Variants in NCAM2 observed in about 807,000 individuals in gnomAD.
The protein encoded by NCAM2 is N-CAM-2.
In NCAM2, 30 loss-of-function variants were observed where a neutral mutation model predicts 98.1. The observed-to-expected ratio is 0.31, with a 90% CI of 0.23 to 0.41. NCAM2 has a LOEUF of 0.41. Among genes scored for constraint, NCAM2 ranks in the 10% least tolerant of loss-of-function variants. The pLI, the probability that NCAM2 is intolerant of heterozygous loss-of-function variation, is 1.00. For synonymous variants in NCAM2, 368 were observed against 342.4 expected, an observed-to-expected ratio of 1.07 and a Z score of -0.83; for missense variants, 867 against 1,005.8, an observed-to-expected ratio of 0.86 and a Z score of 1.87.
chr21:21,277,220 T>C (rs1313529848), intron 1 of NCAM2, among the ~76,000 whole-genome samples: 1 of 152,138 alleles, frequency 6.6e-6, no homozygotes, highest in East Asian at 1.9e-4. Flanking sequence ...AAGCTCTTCG[T>C]AAGTGTCAAT....
intron 1 of NCAM2, among the ~76,000 whole-genome samples, chr21:21,221,359 AC>A (rs374147818): frequency 1 from 152,280 of 152,282 alleles, 76,139 homozygotes; most frequent in Non-Finnish European, 1. Context: ...AGTGATTCTC[AC>A]CCAAATTTTC....
intron 1 of NCAM2, among the ~76,000 whole-genome samples, chr21:21,268,198 G>C (rs915746316): frequency 6.6e-6 from 1 of 152,062 alleles, no homozygotes; most frequent in Non-Finnish European, 1.5e-5. Context: ...AGGATTTTTC[G>C]GAGTTCAGCT....
At chr21:21,519,435 TG>T (rs1288610785) in intron 16 of NCAM2, among the ~76,000 whole-genome samples, 3 of 152,070 alleles carry the variant, frequency 2.0e-5, no homozygotes, top group African/African-American at 7.2e-5. Context: ...GTTGGGGTAG[TG>T]TCAATCACCT....
chr21:21,249,246 A>G (rs2071393514), intron 1 of NCAM2, among the ~76,000 whole-genome samples: 1 of 152,214 alleles, frequency 6.6e-6, no homozygotes, highest in South Asian at 2.1e-4. Flanking sequence ...GAAAATGATT[A>G]GAGTGATTAT....
At chr21:21,202,680 T>TG (rs2069280556) in intron 1 of NCAM2, among the ~76,000 whole-genome samples, 1 of 152,076 alleles carries the variant, frequency 6.6e-6, no homozygotes, top group African/African-American at 2.4e-5. Flanking sequence ...CCTCCCAAAG[T>TG]GCTGGGATTA....
intron 10 of NCAM2, among the ~76,000 whole-genome samples, chr21:21,413,957 C>A (rs2076936670): frequency 6.6e-6 from 1 of 152,168 alleles, no homozygotes. Context: ...TATAGCAGAA[C>A]ATCTTTCAAA....
chr21:21,443,020 A>C (rs1053556535), intron 12 of NCAM2, among the ~76,000 whole-genome samples: 2 of 152,078 alleles, frequency 1.3e-5, no homozygotes, highest in Non-Finnish European at 2.9e-5. Context: ...TAGTGCTATA[A>C]ATTTTCCTCT....
chr21:21,142,924 C>A (rs1180772661), intron 1 of NCAM2, among the ~76,000 whole-genome samples: 3 of 152,150 alleles, frequency 2.0e-5, no homozygotes, highest in African/African-American at 7.2e-5. Context: ...TTGTAGACAG[C>A]AATTTTGGTT....
intron 1 of NCAM2, among the ~76,000 whole-genome samples, chr21:21,010,794 G>A (rs1332137173): frequency 6.6e-6 from 1 of 152,064 alleles, no homozygotes; most frequent in African/African-American, 2.4e-5. Flanking sequence ...ATCTTTATAA[G>A]TGTAAAGTGT....
intron 8 of NCAM2, among the ~76,000 whole-genome samples, chr21:21,356,345 A>G (rs1332955271): frequency 6.6e-6 from 1 of 152,114 alleles, no homozygotes; most frequent in Non-Finnish European, 1.5e-5. Flanking sequence ...CGCGGTTCCT[A>G]CTGTGGATTT....
chr21:21,522,171 T>C (rs1239985076), intron 16 of NCAM2, among the ~76,000 whole-genome samples: 1 of 148,052 alleles, frequency 6.8e-6, no homozygotes, highest in East Asian at 1.9e-4. Context: ...TATATGAATA[T>C]GAATATATAT....
intron 10 of NCAM2, among the ~76,000 whole-genome samples, chr21:21,412,667 A>T (rs923708952): frequency 2.0e-5 from 3 of 152,194 alleles, no homozygotes; most frequent in African/African-American, 7.2e-5. Flanking sequence ...TACTTGACAC[A>T]CAGCCAGGTG....
chr21:21,266,685 C>T (rs1363023139), intron 1 of NCAM2, among the ~76,000 whole-genome samples: 4 of 151,142 alleles, frequency 2.6e-5, no homozygotes, highest in Admixed American at 2.6e-4. Flanking sequence ...AACTCATGGA[C>T]ACAGCAAGGG....
intron 8 of NCAM2, among the ~76,000 whole-genome samples, chr21:21,340,696 C>A (rs983058530): frequency 4.6e-5 from 7 of 151,932 alleles, no homozygotes; most frequent in African/African-American, 1.7e-4. Context: ...CAGTACACTT[C>A]TTTTCCCCTA....
intron 15 of NCAM2, among the ~76,000 whole-genome samples, chr21:21,488,345 A>C (rs1441127706): frequency 6.6e-6 from 1 of 152,012 alleles, no homozygotes; most frequent in Non-Finnish European, 1.5e-5. Flanking sequence ...ATTAAAGCTA[A>C]AACAAGAAAA....
chr21:21,194,784 C>G (rs1398308915), intron 1 of NCAM2, among the ~76,000 whole-genome samples: 2 of 152,044 alleles, frequency 1.3e-5, no homozygotes, highest in African/African-American at 4.8e-5. Flanking sequence ...TATATGTATA[C>G]ATTGTCTAAT....
intron 1 of NCAM2, among the ~76,000 whole-genome samples, chr21:21,158,432 G>A (rs2067678536): frequency 1.3e-5 from 2 of 151,994 alleles, no homozygotes; most frequent in Admixed American, 1.3e-4. Context: ...CCAGCATGGT[G>A]AAATCCCGTC....
At chr21:21,046,201 G>A (rs1029982954) in intron 1 of NCAM2, among the ~76,000 whole-genome samples, 3 of 152,148 alleles carry the variant, frequency 2.0e-5, no homozygotes, top group Admixed American at 6.5e-5. Flanking sequence ...TTCTTCATCT[G>A]TATTCAGCAG....
intron 14 of NCAM2, among the ~76,000 whole-genome samples, chr21:21,475,101 A>G (rs898752580): frequency 1.3e-5 from 2 of 151,906 alleles, no homozygotes; most frequent in Non-Finnish European, 1.5e-5. Flanking sequence ...GTGTTTGCTT[A>G]TACATCTCCC....
Sources: allele counts gnomAD v4.1 joint callset (sites outside exome capture counted in the v4.1 genomes callset), GRCh38; gene constraint gnomAD v4.1.1; transcripts MANE v1.5; gene names NCBI Gene and HGNC (gene_info 2026-07-23, HGNC 2026-07-21).